NEDD4L: variants seen among roughly 807,000 people sequenced by gnomAD.
The protein encoded by NEDD4L is NEDD4 like E3 ubiquitin protein ligase, also known as E3 ubiquitin-protein ligase NEDD4-like.
A neutral mutation model predicts 148.9 loss-of-function variants in NEDD4L; 54 were observed. The observed-to-expected ratio is 0.36, with a 90% CI of 0.29 to 0.45. The LOEUF is 0.45. NEDD4L is among the 20% of genes least tolerant of loss of function. The pLI is 1.00. For synonymous variants in NEDD4L, 433 were observed against 440.7 expected, an observed-to-expected ratio of 0.98 and a Z score of 0.22; for missense variants, 856 against 1,233.8, an observed-to-expected ratio of 0.69 and a Z score of 4.59.
chr18:58,096,376 AT>A (rs1377474810), intron 1 of NEDD4L, among the ~76,000 whole-genome samples: 8 of 138,014 alleles, frequency 5.8e-5, no homozygotes, highest in African/African-American at 1.5e-4. Flanking sequence ...ATTTTATTTT[AT>A]TTTATTTTAT....
intron 1 of NEDD4L, among the ~76,000 whole-genome samples, chr18:58,129,212 C>T (rs367896379): frequency 7.9e-5 from 12 of 152,238 alleles, no homozygotes; most frequent in East Asian, 3.8e-4. Context: ...CTGAGGCATC[C>T]GTGCCTACCC....
chr18:58,151,625 ATGTGTGTGTG>A (rs113714456), intron 1 of NEDD4L, among the ~76,000 whole-genome samples: 15 of 140,980 alleles, frequency 1.1e-4, no homozygotes, highest in Admixed American at 4.2e-4. Context: ...GTGCCTGGAT[ATGTGTGTGTG>A]TGTGTGTGTG....
intron 2 of NEDD4L, among the ~76,000 whole-genome samples, chr18:58,187,338 C>T (rs544549741): frequency 4.6e-5 from 7 of 152,056 alleles, no homozygotes; most frequent in African/African-American, 9.7e-5. Flanking sequence ...CTGAACCAGG[C>T]AGGTGGGGTA....
At chr18:58,135,766 G>A (rs1274741408) in intron 1 of NEDD4L, among the ~76,000 whole-genome samples, 2 of 152,190 alleles carry the variant, frequency 1.3e-5, no homozygotes, top group Non-Finnish European at 2.9e-5. Flanking sequence ...TTGTGGGATC[G>A]TTTTGTCTTT....
At chr18:58,115,124 T>C (rs935847336) in intron 1 of NEDD4L, among the ~76,000 whole-genome samples, 5 of 152,228 alleles carry the variant, frequency 3.3e-5, no homozygotes, top group Non-Finnish European at 7.3e-5. Flanking sequence ...AGGCTAAACC[T>C]TAGGCGTCTG....
intron 5 of NEDD4L, among the ~76,000 whole-genome samples, chr18:58,275,506 A>G (rs1038861835): frequency 5.9e-5 from 9 of 152,302 alleles, no homozygotes; most frequent in East Asian, 1.9e-4. Flanking sequence ...ATAATCTCCC[A>G]TTTCTTGGGT....
chr18:58,219,290 A>G (rs2043479552), intron 2 of NEDD4L, among the ~76,000 whole-genome samples: 1 of 152,156 alleles, frequency 6.6e-6, no homozygotes, highest in African/African-American at 2.4e-5. Context: ...AGGCTTTTCT[A>G]TGCATTTTTT....
Position 58,362,672 on chromosome 18 carries a change from G to C in NEDD4L, c.1768-1596G>C, listed in dbSNP as rs2045631618. 4.6e-5 allele frequency among the ~76,000 whole-genome samples: 7 copies of C among 152,286 alleles called. No individual in the cohort carries two copies. In the South Asian group the frequency reaches 1.4e-3, roughly 32 times the overall value. ...GGAGGGAACTGGGAAAGCTACCTTT[G>C]GTTTATGTACTGTTATTTTTCTGGC... is the stretch of plus-strand genomic sequence containing the variant. On this transcript the variant is annotated intron_variant, in intron 19 of 30. Coordinates refer to ENST00000400345, the MANE Select transcript of NEDD4L (RefSeq NM_001144967.3).
chr18:58,208,905 G>T (rs1459926542), intron 2 of NEDD4L, among the ~76,000 whole-genome samples: 1 of 152,026 alleles, frequency 6.6e-6, no homozygotes, highest in Non-Finnish European at 1.5e-5. Context: ...GAGATCCTGG[G>T]GTGCCTTCAC....
At position 58,302,846 on chromosome 18, in the gene NEDD4L, C is replaced by T. The variant is rs554641547; in HGVS notation, c.298-13136C>T. ...CCCAGGCCTGGGAGGACCCCTCCCA[C>T]GGCGTACTTCAGATCTCCACCTGTG... On this transcript the variant is annotated intron_variant, in intron 5 of 30. Coordinates refer to ENST00000400345, the MANE Select transcript of NEDD4L (RefSeq NM_001144967.3). 5.3e-5 allele frequency among the ~76,000 whole-genome samples: 8 copies of T among 152,158 alleles called. No individual in the cohort carries two copies. The East Asian group carries it at 7.7e-4, about 15-fold the overall frequency.
intron 9 of NEDD4L, among the ~76,000 whole-genome samples, chr18:58,327,186 C>T (rs945226407): frequency 8.5e-5 from 13 of 152,206 alleles, no homozygotes; most frequent in African/African-American, 3.1e-4. Context: ...CAACCTCCGC[C>T]TCCCAGGTTC....
chr18:58,284,503 G>A (rs1253656454), intron 5 of NEDD4L, among the ~76,000 whole-genome samples: 1 of 152,130 alleles, frequency 6.6e-6, no homozygotes, highest in African/African-American at 2.4e-5. Context: ...CAGTTTTTGT[G>A]AGACAAAAAG....
chr18:58,286,793 A>T (rs75242331), intron 5 of NEDD4L, among the ~76,000 whole-genome samples: 2 of 152,296 alleles, frequency 1.3e-5, no homozygotes, highest in African/African-American at 4.8e-5. Flanking sequence ...GCTATGCTAG[A>T]TGTTGGGACC....
intron 11 of NEDD4L, among the ~76,000 whole-genome samples, chr18:58,331,705 A>G (rs1442008504): frequency 1.3e-5 from 2 of 152,236 alleles, no homozygotes; most frequent in Admixed American, 6.5e-5. Context: ...TTAAAAATGT[A>G]CAATAGTAAA....
At chr18:58,121,552 G>GT (rs1356791513) in intron 1 of NEDD4L, among the ~76,000 whole-genome samples, 1 of 151,950 alleles carries the variant, frequency 6.6e-6, no homozygotes. Context: ...CCACAGGCGA[G>GT]TTCCACTACA....
chr18:58,349,416 C>T lies in NEDD4L; in HGVS notation c.1576-121C>T, dbSNP rs563401509. On this transcript the variant is annotated intron_variant, in intron 16 of 30. Coordinates refer to ENST00000400345, the MANE Select transcript of NEDD4L (RefSeq NM_001144967.3). ...TACAAAACAGAGATGGGACCCATCTCACGCTCCAGGCATGGACAGCCTGGT... is the reference window on the plus strand; with the variant it reads ...TACAAAACAGAGATGGGACCCATCTTACGCTCCAGGCATGGACAGCCTGGT... The T allele has an allele frequency of 1.7e-4, 123 of 720,886 alleles. 2 individuals carry two copies. In the Middle Eastern group the frequency reaches 3.1e-3, roughly 18 times the overall value. The allele number at this position is 720,886 out of a possible 1,614,324, so 44.7% of individuals were successfully genotyped here.
intron 1 of NEDD4L, among the ~76,000 whole-genome samples, chr18:58,121,428 A>G (rs190220778): frequency 1.5e-4 from 22 of 149,902 alleles, no homozygotes; most frequent in Admixed American, 1.2e-3. Context: ...CTTTTCTTTC[A>G]TTCTTTTTTT....
chr18:58,380,410 C>G (rs1343709367), intron 24 of NEDD4L, among the ~76,000 whole-genome samples: 1 of 151,846 alleles, frequency 6.6e-6, no homozygotes, highest in Non-Finnish European at 1.5e-5. Context: ...CCTCAGCCCC[C>G]TGGGTTCAAG....
intron 1 of NEDD4L, among the ~76,000 whole-genome samples, chr18:58,144,415 C>G (rs1421008769): frequency 6.6e-5 from 10 of 151,986 alleles, no homozygotes; most frequent in Admixed American, 2.0e-4. Flanking sequence ...CTCACCATTG[C>G]CAGAACAGCA....
Sources: allele counts gnomAD v4.1 joint callset (sites outside exome capture counted in the v4.1 genomes callset), GRCh38; gene constraint gnomAD v4.1.1; transcripts MANE v1.5; gene names NCBI Gene and HGNC (gene_info 2026-07-23, HGNC 2026-07-21).